The following CD180 variants were observed in gnomAD, a reference collection of about 807,000 sequenced individuals.
CD180 encodes CD180 molecule.
CD180 carries 11 observed loss-of-function variants against 10.7 expected under a neutral mutation model. That is an observed-to-expected ratio of 1.03 (90% confidence interval 0.65 to 1.70). The LOEUF (loss-of-function observed/expected upper bound fraction) is 1.70, where lower values mean the gene tolerates loss of function less well. CD180 is among the 40% of genes most tolerant of loss of function. CD180 has a pLI of 0.00. For missense variants in CD180, 729 were observed against 775.2 expected (o/e 0.94, Z 0.71); for synonymous variants, 286 against 294.6 (o/e 0.97, Z 0.30).
Position 67,184,242 on chromosome 5 carries a change from T to G in CD180, c.601A>C (p.Asn201His). The G allele has an allele frequency of 1.2e-6, 2 of 1,614,148 alleles. No individual in the cohort carries two copies. The highest frequency in any genetic ancestry group is 1.1e-5 in the South Asian group (1 of 91,082). The part of the protein sequence containing the change: ...EDMRSLEQAI[N>H]LSLNFNGNNV... ...TTGCCATTGAAGTTCAGGCTTAGGT[T>G]GATGGCCTGCTCCAGAGACCTCATG... Residue 201 changes from asparagine (N) to histidine (H), a missense_variant, in exon 3 of 3, where the codon AAC becomes CAC. Asn to His is a moderately conservative substitution (Grantham distance 68). Coordinates refer to ENST00000256447, the MANE Select transcript of CD180 (RefSeq NM_005582.3).
chr5:67,185,165 A>G (rs946146769), intron 2 of CD180, among the ~76,000 whole-genome samples: 1 of 150,704 alleles, frequency 6.6e-6, no homozygotes, highest in African/African-American at 2.5e-5. Flanking sequence ...GCTTTTAAAG[A>G]TGAAGCGGTA....
At chr5:67,194,807 C>T (rs1007829530) in intron 1 of CD180, among the ~76,000 whole-genome samples, 2 of 152,158 alleles carry the variant, frequency 1.3e-5, no homozygotes, top group Non-Finnish European at 2.9e-5. Flanking sequence ...CTGTTATGGG[C>T]TGAATTTTCT....
rs904535841 is a variant in CD180 at position 67,182,558 on chromosome 5, G to C, written c.*299C>G. On this transcript the variant is annotated 3_prime_UTR_variant, in exon 3 of 3. Coordinates refer to ENST00000256447, the MANE Select transcript of CD180 (RefSeq NM_005582.3). ...CCTCCCTGTGGGAGACTCCGGGGCC[G>C]GCAGTCCCTGCCCAGTCCCTCCCTC... 4.5e-6 allele frequency: 1 copy of C among 220,656 alleles called. No individual in the cohort carries two copies. The highest frequency in any genetic ancestry group is 8.9e-6 in the Non-Finnish European group (1 of 112,086). 13.7% of individuals were successfully genotyped at this position (220,656 alleles called of 1,614,324 possible).
rs5744526 is a variant in CD180 at position 67,183,091 on chromosome 5, C to T, written c.1752G>A (p.Ser584=). ...TGTACCATGTTAAGAAATGAATATT[C>T]GAGCAAGTGCAGTCCAGGGGGTTAT... ...LSHNPLDCTC[S]NIHFLTWYKE... Residue 584 remains serine (S), a synonymous_variant, in exon 3 of 3, where the codon TCG becomes TCA. Transcript: ENST00000256447. 6.7e-3 allele frequency: 10,743 copies of T among 1,611,248 alleles called. 55 individuals carry two copies. Among genetic ancestry groups the T allele is most frequent in the Non-Finnish European group, 8.3e-3 (9,755 of 1,178,134 alleles).
intron 1 of CD180, among the ~76,000 whole-genome samples, chr5:67,189,591 T>C (rs1249633388): frequency 2.0e-5 from 3 of 152,192 alleles, no homozygotes; most frequent in Non-Finnish European, 2.9e-5. Flanking sequence ...AAACACATTT[T>C]AGAGAATGTC....
rs1581827252 is a variant in CD180, at chr5:67,188,092, CCAGGGACT to C, written c.91-2083_91-2076del. ...GGCTGAGGCAGGAGAATCGCTTGAA[CCAGGGACT>C]CAGAGGTTGCAGTGAGCCAAGATTG... On this transcript the variant is annotated intron_variant, in intron 1 of 2. Transcript: ENST00000256447. Among the ~76,000 whole-genome samples the C allele has an allele frequency of 3.3e-5, 5 of 151,948 alleles. No homozygotes were observed. The East Asian group carries it at 9.7e-4, about 29-fold the overall frequency.
chr5:67,188,185 G>C (rs1408319541), intron 1 of CD180, among the ~76,000 whole-genome samples: 2 of 144,374 alleles, frequency 1.4e-5, no homozygotes, highest in East Asian at 4.0e-4. Flanking sequence ...AAAAAAAAAA[G>C]ATTGGGGGTA....
intron 1 of CD180, among the ~76,000 whole-genome samples, chr5:67,192,407 G>C (rs1447365277): frequency 1.3e-5 from 2 of 151,870 alleles, no homozygotes; most frequent in Non-Finnish European, 2.9e-5. Context: ...AAGAAAGAAA[G>C]AAAGAAAAAA....
At chr5:67,188,724 C>T (rs779576391) in intron 1 of CD180, among the ~76,000 whole-genome samples, 10 of 151,284 alleles carry the variant, frequency 6.6e-5, no homozygotes, top group Middle Eastern at 3.2e-3. Flanking sequence ...TTCTGCTTAG[C>T]GATGCACTTT....
At chr5:67,188,733 T>G (rs1025796539) in intron 1 of CD180, among the ~76,000 whole-genome samples, 4 of 149,946 alleles carry the variant, frequency 2.7e-5, no homozygotes, top group African/African-American at 1.0e-4. Flanking sequence ...GCGATGCACT[T>G]TCTTGTAGCC....
intron 1 of CD180, 80 bp downstream of exon 1, chr5:67,196,472 A>T: frequency 7.4e-7 from 1 of 1,343,070 alleles, no homozygotes; most frequent in Non-Finnish European, 1.1e-6. Flanking sequence ...TGGGATGCCA[A>T]GGCTCAGATT....
chr5:67,189,657 T>C (rs1742264655), intron 1 of CD180, among the ~76,000 whole-genome samples: 1 of 152,196 alleles, frequency 6.6e-6, no homozygotes, highest in African/African-American at 2.4e-5. Context: ...CACAATTGTA[T>C]CATCAAAATG....
In CD180 at chr5:67,183,133, G is replaced by T. The variant is rs1465290761; in HGVS notation, c.1710C>A (p.Ser570Arg). The change falls in exon 3 of 3, where the codon AGC (serine) becomes AGA (arginine). Residue 570 changes from serine to arginine, a missense_variant. Physicochemically the swap from Ser to Arg is moderately radical, Grantham distance 110 (BLOSUM62 -1). Coordinates refer to ENST00000256447, the MANE Select transcript of CD180 (RefSeq NM_005582.3). ...PRLLPILSQQSTINLSHNPLD... is the reference protein window; with the variant it reads ...PRLLPILSQQRTINLSHNPLD... ...GGGGGTTATGACTTAAATTAATGGT[G>T]CTCTGCTGGGACAAGATAGGGAGGA... 2 of 1,610,570 alleles carry T rather than the reference G, an allele frequency of 1.2e-6. No homozygotes were observed. The highest frequency in any genetic ancestry group is 2.7e-5 in the African/African-American group (2 of 74,926).
chr5:67,194,450 C>T (rs1379367656), intron 1 of CD180, among the ~76,000 whole-genome samples: 1 of 152,136 alleles, frequency 6.6e-6, no homozygotes, highest in African/African-American at 2.4e-5. Flanking sequence ...TGCGGCCTCA[C>T]CCAGAGGTGG....
chr5:67,191,381 G>T (rs1211413556), intron 1 of CD180, among the ~76,000 whole-genome samples: 1 of 152,176 alleles, frequency 6.6e-6, no homozygotes, highest in East Asian at 1.9e-4. Flanking sequence ...CGTTTAACTG[G>T]ATCATCACAA....
Position 67,181,332 on chromosome 5 carries a change from G to A in CD180, c.*1525C>T, listed in dbSNP as rs1742045128. ...CTGAAATCTCAAGATGAAGGAAGGA[G>A]CCATTTGGAGGCCAATGGCAGCATC... On this transcript the variant is annotated 3_prime_UTR_variant, in exon 3 of 3. Coordinates refer to ENST00000256447, the MANE Select transcript of CD180 (RefSeq NM_005582.3). 6.6e-6 allele frequency: 1 copy of A among 152,234 alleles called. No individual in the cohort carries two copies. Among genetic ancestry groups the A allele is most frequent in the Non-Finnish European group, 1.5e-5 (1 of 68,062 alleles). The allele number at this position is 152,234 out of a possible 1,614,324, so 9.4% of individuals were successfully genotyped here.
chr5:67,183,040 G>A lies in CD180; in HGVS notation c.1803C>T (p.Gly601=), dbSNP rs1294797989. ...GGTTTGCACACGTGGTCTCCTCCGA[G>A]CCTTCAAGTTTGTGCAGGTTTTCTT... ...WYKENLHKLE[G]SEETTCANPP... The change falls in exon 3 of 3, where the codon GGC becomes GGT. Residue 601 remains glycine, a synonymous_variant. Transcript: ENST00000256447. The A allele has an allele frequency of 4.3e-6, 7 of 1,613,770 alleles. No homozygotes were observed. The highest frequency in any genetic ancestry group is 1.7e-5 in the Admixed American group (1 of 59,948).
In CD180 at chr5:67,180,299, ATAT is replaced by A. The variant is rs1380088350; in HGVS notation, c.*2555_*2557del. On this transcript the variant is annotated 3_prime_UTR_variant, in exon 3 of 3. Coordinates refer to ENST00000256447, the MANE Select transcript of CD180 (RefSeq NM_005582.3). ...TTCGTTTTTCCAAGTTACATATTAAATATTATGGAGGGCAGTATGTCTATGGGT... is the reference window on the plus strand; with the variant it reads ...TTCGTTTTTCCAAGTTACATATTAAATATGGAGGGCAGTATGTCTATGGGT... 6.6e-6 allele frequency: 1 copy of A among 152,234 alleles called. No homozygotes were observed. The highest frequency in any genetic ancestry group is 1.5e-5 in the Non-Finnish European group (1 of 68,042). 9.4% of individuals were successfully genotyped at this position (152,234 alleles called of 1,614,324 possible).
At position 67,196,750 on chromosome 5, in the gene CD180, G is replaced by T. The variant is rs1468717802; in HGVS notation, c.-109C>A. 8 of 1,299,046 alleles carry T rather than the reference G, an allele frequency of 6.2e-6. No homozygotes were observed. The highest frequency in any genetic ancestry group is 1.3e-5 in the South Asian group (1 of 78,058). The allele number at this position is 1,299,046 out of a possible 1,614,324, so 80.5% of individuals were successfully genotyped here. ...CAGCCAGAGAGGTACTCAGAAGGGT[G>T]ATCTTGGAACAAGAAATGCTGTTGA... On this transcript the variant is annotated 5_prime_UTR_variant, in exon 1 of 3. Coordinates refer to ENST00000256447, the MANE Select transcript of CD180 (RefSeq NM_005582.3).
Sources: gnomAD v4.1 joint callset for allele counts (sites outside exome capture counted in the v4.1 genomes callset) on GRCh38, gnomAD v4.1.1 for gene constraint, MANE v1.5 for transcripts, NCBI Gene and HGNC (gene_info 2026-07-23, HGNC 2026-07-21) for gene names.